The following NBEA variants were observed in gnomAD, a reference collection of about 807,000 sequenced individuals.
The protein encoded by NBEA is lysosomal-trafficking regulator 2.
A neutral mutation model predicts 343.4 loss-of-function variants in NBEA; 44 were observed. That is an observed-to-expected ratio of 0.13 (90% CI 0.10 to 0.16). NBEA has a LOEUF of 0.16. Ranked by LOEUF, NBEA falls within the 10% of genes least tolerant of loss-of-function variation. The probability of loss-of-function intolerance (pLI) is 1.00; values close to 1 mark genes in which losing one functional copy is unlikely to be tolerated. For missense variants in NBEA, 2,555 were observed against 3,631.3 expected, an observed-to-expected ratio of 0.70 and a Z score of 7.62; for synonymous variants, 1,175 against 1,238.7, an observed-to-expected ratio of 0.95 and a Z score of 1.08.
intron 45 of NBEA, among the ~76,000 whole-genome samples, chr13:35,568,589 A>G (rs571549725): frequency 5.4e-4 from 82 of 152,218 alleles, no homozygotes; most frequent in African/African-American, 1.9e-3. Flanking sequence ...ATAAAGTACA[A>G]TATTTTAGAG....
intron 38 of NBEA, among the ~76,000 whole-genome samples, chr13:35,397,920 C>T (rs563913039): frequency 6.6e-6 from 1 of 152,134 alleles, no homozygotes; most frequent in South Asian, 2.1e-4. Context: ...AACAAGAAAA[C>T]AATGAAGTTT....
At chr13:35,072,125 A>G (rs1045085585) in intron 10 of NBEA, among the ~76,000 whole-genome samples, 5 of 152,132 alleles carry the variant, frequency 3.3e-5, no homozygotes, top group Non-Finnish European at 5.9e-5. Context: ...ATGTTTTACT[A>G]TTTATCATCT....
At chr13:35,160,091 A>G in intron 22 of NBEA, 59 bp downstream of exon 22, 2 of 1,391,868 alleles carry the variant, frequency 1.4e-6, no homozygotes, top group East Asian at 2.5e-5. Flanking sequence ...AGTTGTTAGC[A>G]CCAAAACAGA....
At chr13:34,992,935 G>A (rs1286835089) in intron 1 of NBEA, among the ~76,000 whole-genome samples, 2 of 148,052 alleles carry the variant, frequency 1.4e-5, no homozygotes, top group Non-Finnish European at 3.0e-5. Flanking sequence ...CACCCGCTTT[G>A]GCCTCCCAAA....
intron 1 of NBEA, among the ~76,000 whole-genome samples, chr13:34,984,537 G>A (rs976601475): frequency 4.3e-5 from 6 of 138,762 alleles, no homozygotes; most frequent in African/African-American, 1.5e-4. Context: ...GCTCTTTTTT[G>A]GTTGCATATG....
intron 43 of NBEA, among the ~76,000 whole-genome samples, chr13:35,553,172 A>G (rs1332690841): frequency 2.6e-5 from 4 of 152,102 alleles, no homozygotes; most frequent in African/African-American, 9.7e-5. Flanking sequence ...GATTACAGGC[A>G]ACAGTCACCA....
chr13:35,176,433 G>A (rs2070906615), intron 27 of NBEA, among the ~76,000 whole-genome samples: 1 of 152,042 alleles, frequency 6.6e-6, no homozygotes, highest in South Asian at 2.1e-4. Context: ...AGTCTACTAT[G>A]TGACTACATT....
intron 53 of NBEA, 106 bp downstream of exon 53, chr13:35,651,982 A>T: frequency 1.5e-6 from 1 of 689,464 alleles, no homozygotes; most frequent in Non-Finnish European, 2.5e-6. Context: ...CACAAGATTA[A>T]AATGCTAATA....
chr13:35,423,686 A>G (rs952009914), intron 38 of NBEA, among the ~76,000 whole-genome samples: 5 of 152,070 alleles, frequency 3.3e-5, no homozygotes, highest in African/African-American at 9.7e-5. Context: ...ATTCTGTGAA[A>G]AAAGTTATTG....
chr13:35,132,592 T>C (rs1184999872), intron 17 of NBEA, among the ~76,000 whole-genome samples: 1 of 152,212 alleles, frequency 6.6e-6, no homozygotes, highest in African/African-American at 2.4e-5. Flanking sequence ...AAACTACTGA[T>C]GCATGCTATG....
intron 47 of NBEA, among the ~76,000 whole-genome samples, chr13:35,603,273 C>T (rs547134463): frequency 1.6e-3 from 236 of 152,242 alleles, no homozygotes; most frequent in African/African-American, 5.2e-3. Flanking sequence ...GCACCTGCTG[C>T]GTGCAAAGTA....
chr13:35,202,909 A>G (rs376665204), intron 31 of NBEA, among the ~76,000 whole-genome samples: 1 of 152,182 alleles, frequency 6.6e-6, no homozygotes. Context: ...ATAATCCTTG[A>G]CTTTACTCTC....
Position 35,117,422 on chromosome 13 carries a change from C to G in NBEA, c.2011C>G (p.Arg671Gly). ...TTTCTGTTTTGTTCTAGATGGTCCC[C>G]GGCCATCACAAAAAGAAATTATATC... The part of the protein sequence containing the change: ...GITPKGLDGP[R>G]PSQKEIISLR... The change falls in exon 14 of 59, where the codon CGG becomes GGG. Residue 671 changes from arginine (R) to glycine (G), a missense_variant. Transcript: ENST00000379939. 1.5e-6 allele frequency: 2 copies of G among 1,367,520 alleles called. No homozygotes were observed. Among genetic ancestry groups the G allele is most frequent in the South Asian group, 2.0e-5 (1 of 48,790 alleles). 84.7% of individuals were successfully genotyped at this position (1,367,520 alleles called of 1,614,324 possible). A position where few individuals can be genotyped will look rare whatever the true frequency, so the allele number is the denominator to read the frequency against.
At chr13:35,581,720 CTG>C (rs2081046309) in intron 45 of NBEA, among the ~76,000 whole-genome samples, 1 of 104,800 alleles carries the variant, frequency 9.5e-6, no homozygotes, top group Admixed American at 1.5e-4. Flanking sequence ...ACATCACACT[CTG>C]GGGACTGTTG....
intron 34 of NBEA, among the ~76,000 whole-genome samples, chr13:35,247,891 A>G (rs2031439745): frequency 1.3e-5 from 2 of 152,324 alleles, no homozygotes; most frequent in South Asian, 4.1e-4. Context: ...AAAAAAAAAG[A>G]AGATTCAAAT....
Position 34,989,825 on chromosome 13 carries a change from C to A in NBEA, c.294+46711C>A, listed in dbSNP as rs367906527. On this transcript the variant is annotated intron_variant, in intron 1 of 58. Coordinates refer to ENST00000379939, the MANE Select transcript of NBEA (RefSeq NM_001385012.1). ...TCTATTTGCCTATGAGCCTGTAAAACCATAAACAAGTTAGTTACCTCCAAG... is the reference window on the plus strand; with the variant it reads ...TCTATTTGCCTATGAGCCTGTAAAAACATAAACAAGTTAGTTACCTCCAAG... Among the ~76,000 whole-genome samples, 6 of 150,920 alleles carry A rather than the reference C, an allele frequency of 4.0e-5. 1 individual carries two copies. Among genetic ancestry groups the A allele is most frequent in the African/African-American group, 1.5e-4 (6 of 41,332 alleles).
intron 49 of NBEA, among the ~76,000 whole-genome samples, chr13:35,636,171 C>T (rs1046471766): frequency 1.3e-5 from 2 of 152,138 alleles, no homozygotes; most frequent in African/African-American, 4.8e-5. Context: ...CATAAATTAA[C>T]AATTATTCAA....
intron 38 of NBEA, among the ~76,000 whole-genome samples, chr13:35,394,181 C>G (rs1025701685): frequency 6.6e-6 from 1 of 152,140 alleles, no homozygotes; most frequent in African/African-American, 2.4e-5. Context: ...ATGGATTAGC[C>G]TATCTGCACC....
At chr13:35,651,663 GAC>G in intron 52 of NBEA, 140 bp from the exon 53 acceptor site, 1 of 638,082 alleles carries the variant, frequency 1.6e-6, no homozygotes, top group Non-Finnish European at 2.8e-6. Context: ...TGTCTACAGA[GAC>G]ACATAGTATC....
Sources: gnomAD v4.1 joint callset for allele counts (sites outside exome capture counted in the v4.1 genomes callset) on GRCh38, gnomAD v4.1.1 for gene constraint, MANE v1.5 for transcripts, NCBI Gene and HGNC (gene_info 2026-07-23, HGNC 2026-07-21) for gene names.